Variants in MIB1 observed in about 807,000 individuals in gnomAD.
MIB1 encodes MIB E3 ubiquitin protein ligase 1.
MIB1 carries 278 observed loss-of-function variants against 124.5 expected under a neutral mutation model. That is an observed-to-expected ratio of 2.23 (90% CI 2.02 to 2.47). MIB1 has a LOEUF of 2.47. Among genes scored for constraint, MIB1 ranks in the 30% most tolerant of loss-of-function variants. MIB1 has a pLI of 0.00. For missense variants in MIB1, 957 were observed against 1,254.4 expected, an observed-to-expected ratio of 0.76 and a Z score of 3.58; for synonymous variants, 446 against 429.4, an observed-to-expected ratio of 1.04 and a Z score of -0.48.
intron 1 of MIB1, among the ~76,000 whole-genome samples, chr18:21,757,957 G>A (rs1391654683): frequency 2.0e-5 from 3 of 152,110 alleles, no homozygotes; most frequent in African/African-American, 4.8e-5. Context: ...ACAAAAAACC[G>A]TGGTAGAGTG....
Position 21,843,129 on chromosome 18 carries a change from A to G in MIB1, c.1963-2A>G. The G allele has an allele frequency of 1.3e-6, 2 of 1,598,982 alleles. No individual in the cohort carries two copies. Among genetic ancestry groups the G allele is most frequent in the Non-Finnish European group, 1.7e-6 (2 of 1,174,324 alleles). On this transcript the variant is annotated splice_acceptor_variant, in intron 13 of 20. Transcript: ENST00000261537. LOFTEE classifies it high-confidence loss of function. Reference sequence around the variant, plus strand: ...CATTTAACATTTGTTCTTCTCGTTCAGGGTAATGCAAACCTGGATATCCAG... The same window carrying G: ...CATTTAACATTTGTTCTTCTCGTTCGGGGTAATGCAAACCTGGATATCCAG...
chr18:21,838,645 T>C, intron 13 of MIB1, 148 bp downstream of exon 13: 1 of 599,612 alleles, frequency 1.7e-6, no homozygotes, highest in Non-Finnish European at 2.8e-6. Flanking sequence ...ATATAATGCA[T>C]ATTCTGTCTT....
intron 4 of MIB1, among the ~76,000 whole-genome samples, chr18:21,774,992 C>T (rs1428014966): frequency 6.6e-6 from 1 of 151,548 alleles, no homozygotes; most frequent in Non-Finnish European, 1.5e-5. Context: ...GTCGCCCAGG[C>T]TGGAGCACAG....
Position 21,741,527 on chromosome 18 carries a change from CCGGCGGCAG to C in MIB1, c.-49_-41del, listed in dbSNP as rs1313310854. On this transcript the variant is annotated 5_prime_UTR_variant, in exon 1 of 21. Coordinates refer to ENST00000261537, the MANE Select transcript of MIB1 (RefSeq NM_020774.4). This position sits in a 1 kb window ranked among gnomAD's most constrained non-coding sequence, Gnocchi z 5.4. ...CGGGCCCAACTCCCTCACGGGCCCC[CCGGCGGCAG>C]CGGCGGCGGCGGCGGCGGCAGCGGC... 1.7e-5 allele frequency: 21 copies of C among 1,272,002 alleles called. No individual in the cohort carries two copies. Among genetic ancestry groups the C allele is most frequent in the Non-Finnish European group, 2.1e-5 (21 of 999,620 alleles). The allele number at this position is 1,272,002 out of a possible 1,614,324, so 78.8% of individuals were successfully genotyped here.
In MIB1 at chr18:21,869,102, A is replaced by G. The variant is rs1018416420; in HGVS notation, c.*4436A>G. The G allele has an allele frequency of 3.9e-5, 6 of 152,622 alleles. No individual in the cohort carries two copies. The East Asian group carries it at 1.2e-3, about 29-fold the overall frequency. 9.5% of individuals were successfully genotyped at this position (152,622 alleles called of 1,614,324 possible). On this transcript the variant is annotated 3_prime_UTR_variant, in exon 21 of 21. Transcript: ENST00000261537. Reference sequence around the variant, plus strand: ...TTCATTGAGAATTTAAGCAGTAGGTACAGGAGAAGTGACTTGTCACATTAA... The same window carrying G: ...TTCATTGAGAATTTAAGCAGTAGGTGCAGGAGAAGTGACTTGTCACATTAA...
chr18:21,707,784 G>GTT (rs1341607939), intron 1 of MIB1, among the ~76,000 whole-genome samples: 2 of 152,216 alleles, frequency 1.3e-5, no homozygotes, highest in Non-Finnish European at 2.9e-5. Context: ...GCCTGGCCCA[G>GTT]TTTAAGTTTA....
At chr18:21,841,505 AATT>A (rs1356034435) in intron 13 of MIB1, among the ~76,000 whole-genome samples, 1 of 152,246 alleles carries the variant, frequency 6.6e-6, no homozygotes, top group African/African-American at 2.4e-5. Context: ...ACAAAATAGA[AATT>A]ATAACCACAA....
rs1193584277 is a variant in MIB1 at position 21,724,712 on chromosome 18, C to CAAAAA, written n.167+19601_167+19605dup. 6.7e-4 allele frequency among the ~76,000 whole-genome samples: 14 copies of CAAAAA among 20,754 alleles called. 1 individual carries two copies. The highest frequency in any genetic ancestry group is 3.0e-3 in the African/African-American group (9 of 3,010). 13.6% of individuals were successfully genotyped at this position (20,754 alleles called of 152,430 possible). The stretch of plus-strand genomic sequence containing the variant: ...AGAGCAAAACTCTGTCTCCCCCATC[C>CAAAAA]AAAAAAAAAAAAAAAATATATATAT... On this transcript the variant is annotated intron_variant and non_coding_transcript_variant, in intron 1 of 20. Transcript: ENST00000578646.
Position 21,708,920 on chromosome 18 carries a change from T to C in MIB1, n.167+3797T>C, listed in dbSNP as rs1214056356. On this transcript the variant is annotated intron_variant and non_coding_transcript_variant, in intron 1 of 20. Transcript: ENST00000578646. Reference sequence around the variant, plus strand: ...CAAACAGCAAAAGTCAATTTGGGCTTACCATATGCAGAAAGGAAATTTATT... The same window carrying C: ...CAAACAGCAAAAGTCAATTTGGGCTCACCATATGCAGAAAGGAAATTTATT... Among the ~76,000 whole-genome samples the C allele has an allele frequency of 2.6e-5, 4 of 152,154 alleles. No homozygotes were observed. The East Asian group carries it at 7.7e-4, about 29-fold the overall frequency.
At chr18:21,861,396 A>T (rs1377479494) in intron 20 of MIB1, among the ~76,000 whole-genome samples, 1 of 152,084 alleles carries the variant, frequency 6.6e-6, no homozygotes, top group Non-Finnish European at 1.5e-5. Flanking sequence ...CATCTTCTAT[A>T]AAAAGCATTT....
intron 20 of MIB1, among the ~76,000 whole-genome samples, chr18:21,862,804 G>A (rs2042287617): frequency 6.6e-6 from 1 of 152,116 alleles, no homozygotes; most frequent in African/African-American, 2.4e-5. Context: ...CATAGTGCCT[G>A]ACAAGTGTTC....
At chr18:21,803,803 C>T (rs1165735383) in intron 9 of MIB1, 104 bp from the exon 10 acceptor site, 3 of 733,216 alleles carry the variant, frequency 4.1e-6, no homozygotes, top group Admixed American at 2.6e-5. Flanking sequence ...AAATTATTCT[C>T]GTGGAATCAT....
upstream of MIB1, among the ~76,000 whole-genome samples, chr18:21,739,105 A>G (rs2040813548): frequency 6.6e-6 from 1 of 152,094 alleles, no homozygotes; most frequent in Non-Finnish European, 1.5e-5. Context: ...TAAAGGGGAT[A>G]TCACCAACAA....
At position 21,817,533 on chromosome 18, in the gene MIB1, T is replaced by G. The variant is rs1234734058; in HGVS notation, c.1677+1720T>G. 1.9e-5 allele frequency: 4 copies of G among 208,846 alleles called. No homozygotes were observed. The East Asian group carries it at 5.5e-4, about 29-fold the overall frequency. The allele number at this position is 208,846 out of a possible 1,614,324, so 12.9% of individuals were successfully genotyped here. ...GGCTTTTGCCACAACTATCTAACTC[T>G]CATTGCAGAATGAAAGCAGCCATAG... On this transcript the variant is annotated intron_variant, in intron 11 of 20. Coordinates refer to ENST00000261537, the MANE Select transcript of MIB1 (RefSeq NM_020774.4).
intron 13 of MIB1, among the ~76,000 whole-genome samples, chr18:21,842,017 G>A (rs915244013): frequency 7.4e-6 from 1 of 134,320 alleles, no homozygotes; most frequent in Admixed American, 8.5e-5. Flanking sequence ...TATTCCTTAA[G>A]CCCAGGAGTT....
At chr18:21,785,289 T>A (rs1466545127) in intron 6 of MIB1, among the ~76,000 whole-genome samples, 3 of 152,126 alleles carry the variant, frequency 2.0e-5, no homozygotes, top group African/African-American at 7.2e-5. Flanking sequence ...GGTCTCCGCG[T>A]CTTGGTGGTA....
At chr18:21,754,073 A>G (rs145619554) in intron 1 of MIB1, among the ~76,000 whole-genome samples, 46 of 152,240 alleles carry the variant, frequency 3.0e-4, no homozygotes, top group Non-Finnish European at 4.6e-4. Flanking sequence ...TGCACACTGT[A>G]TTTCTCCTTT....
chr18:21,839,432 A>G (rs1242765591), intron 13 of MIB1, among the ~76,000 whole-genome samples: 3 of 152,314 alleles, frequency 2.0e-5, no homozygotes, highest in East Asian at 3.9e-4. Context: ...TCTTGAAATC[A>G]GGTAGATTAA....
chr18:21,779,164 A>C (rs1365716523), intron 5 of MIB1, among the ~76,000 whole-genome samples: 1 of 152,212 alleles, frequency 6.6e-6, no homozygotes, highest in African/African-American at 2.4e-5. Flanking sequence ...TAAGTTATCC[A>C]GGCATAAAAG....
Sources: allele counts gnomAD v4.1 joint callset (sites outside exome capture counted in the v4.1 genomes callset), GRCh38; gene constraint gnomAD v4.1.1; non-coding constraint Gnocchi (gnomAD v3.1); transcripts MANE v1.5; gene names NCBI Gene and HGNC (gene_info 2026-07-23, HGNC 2026-07-21).